The following PCCA variants were observed in gnomAD, a reference collection of about 807,000 sequenced individuals.
PCCA encodes the protein propionyl-CoA carboxylase alpha chain, mitochondrial.
PCCA carries 74 observed loss-of-function variants against 101.3 expected under a neutral mutation model. The observed-to-expected ratio is 0.73, with a 90% CI of 0.61 to 0.89. The LOEUF is 0.89. Ranked by LOEUF, PCCA falls within the 40% of genes least tolerant of loss-of-function variation. The pLI, the probability that PCCA is intolerant of heterozygous loss-of-function variation, is 0.00. For synonymous variants in PCCA, 294 were observed against 313.6 expected (o/e 0.94, Z 0.66); for missense variants, 891 against 907.0 (o/e 0.98, Z 0.23).
At chr13:100,159,084 CTTTTTTTTTTTT>C (rs11350199) in intron 6 of PCCA, among the ~76,000 whole-genome samples, 2 of 58,192 alleles carry the variant, frequency 3.4e-5, no homozygotes, top group Admixed American at 3.1e-4. Context: ...AAAATGCTGC[CTTTTTTTTTTTT>C]TTTTTTTTTT....
chr13:100,505,394 G>A (rs567350989), intron 21 of PCCA, among the ~76,000 whole-genome samples: 1 of 152,208 alleles, frequency 6.6e-6, no homozygotes, highest in Non-Finnish European at 1.5e-5. Context: ...GTCCCTCGCT[G>A]CATGCCTGGG....
In PCCA at chr13:100,337,623, T is replaced by C. The variant is rs116953847; in HGVS notation, c.1541-2534T>C. The stretch of plus-strand genomic sequence containing the variant: ...AAATGCTTGAAGTTGATGTGCATCA[T>C]ATCAGTTTGCCTGGGAGATGTGATG... On this transcript the variant is annotated intron_variant, in intron 17 of 23. Transcript: ENST00000376285. 4.7e-4 allele frequency among the ~76,000 whole-genome samples: 72 copies of C among 152,354 alleles called. No individual in the cohort carries two copies. The East Asian group carries it at 0.014, about 29-fold the overall frequency.
At chr13:100,395,796 A>G (rs9582389) in intron 19 of PCCA, among the ~76,000 whole-genome samples, 6 of 152,198 alleles carry the variant, frequency 3.9e-5, no homozygotes, top group African/African-American at 1.4e-4. Context: ...TTTGGTAATT[A>G]TCTTTTATAT....
chr13:100,385,968 T>C (rs1305935806), intron 19 of PCCA, among the ~76,000 whole-genome samples: 3 of 152,234 alleles, frequency 2.0e-5, no homozygotes, highest in African/African-American at 7.2e-5. Context: ...TATAAATGGA[T>C]ATAACAACCT....
At chr13:100,099,004 T>G (rs2047024068) in intron 1 of PCCA, among the ~76,000 whole-genome samples, 1 of 152,170 alleles carries the variant, frequency 6.6e-6, no homozygotes, top group Non-Finnish European at 1.5e-5. Context: ...CCTGGAATTT[T>G]AGAGATGAAG....
At chr13:100,283,974 G>A (rs2064357533) in intron 12 of PCCA, among the ~76,000 whole-genome samples, 2 of 152,192 alleles carry the variant, frequency 1.3e-5, no homozygotes, top group Admixed American at 1.3e-4. Context: ...TCCAACAACA[G>A]GACTGAGGGT....
intron 7 of PCCA, among the ~76,000 whole-genome samples, chr13:100,213,907 A>G (rs577009621): frequency 6.6e-6 from 1 of 152,294 alleles, no homozygotes; most frequent in African/African-American, 2.4e-5. Context: ...TGATTTTTGT[A>G]TATGGCAAGA....
At chr13:100,154,213 A>G (rs933086609) in intron 4 of PCCA, among the ~76,000 whole-genome samples, 1 of 152,216 alleles carries the variant, frequency 6.6e-6, no homozygotes, top group African/African-American at 2.4e-5. Context: ...CATCAGTTAA[A>G]AAGAATAGAC....
intron 21 of PCCA, among the ~76,000 whole-genome samples, chr13:100,485,269 G>A (rs1289469396): frequency 6.6e-6 from 1 of 152,198 alleles, no homozygotes; most frequent in East Asian, 1.9e-4. Flanking sequence ...GCACTGGCTA[G>A]CTAAGCCATC....
chr13:100,240,369 GTT>G (rs35401040), intron 8 of PCCA, among the ~76,000 whole-genome samples: 254 of 141,354 alleles, frequency 1.8e-3, no homozygotes, highest in African/African-American at 6.2e-3. Flanking sequence ...CTTAGGATAA[GTT>G]TTTTTTTTTT....
chr13:100,433,435 CT>C (rs1339340875), intron 20 of PCCA, among the ~76,000 whole-genome samples: 1 of 152,060 alleles, frequency 6.6e-6, no homozygotes, highest in Non-Finnish European at 1.5e-5. Flanking sequence ...ATTGGTATTA[CT>C]CTGTAACCAG....
intron 4 of PCCA, among the ~76,000 whole-genome samples, chr13:100,138,829 G>A (rs1376553933): frequency 6.6e-6 from 1 of 151,260 alleles, no homozygotes; most frequent in South Asian, 2.1e-4. Flanking sequence ...CAGCTACTTG[G>A]GAGGCTGAGG....
intron 23 of PCCA, 115 bp from the exon 24 acceptor site, chr13:100,529,983 T>G: frequency 1.2e-6 from 1 of 817,386 alleles, no homozygotes; most frequent in Non-Finnish European, 2.1e-6. Flanking sequence ...CTTGTCCCTG[T>G]GCTGCTGAGC....
At chr13:100,167,916 A>G (rs936221423) in intron 6 of PCCA, among the ~76,000 whole-genome samples, 2 of 152,086 alleles carry the variant, frequency 1.3e-5, no homozygotes, top group Non-Finnish European at 2.9e-5. Context: ...ATAGGCGCCC[A>G]CCACCACAAC....
intron 4 of PCCA, among the ~76,000 whole-genome samples, chr13:100,140,329 A>G (rs1342342187): frequency 6.6e-6 from 1 of 152,198 alleles, no homozygotes; most frequent in Non-Finnish European, 1.5e-5. Context: ...TTCTTCTCTC[A>G]TTGTTTTGGC....
At chr13:100,165,701 A>C (rs546562534) in intron 6 of PCCA, among the ~76,000 whole-genome samples, 16 of 152,226 alleles carry the variant, frequency 1.1e-4, no homozygotes, top group Middle Eastern at 3.4e-3. Context: ...ATAATAGTAC[A>C]ATTCACTCTC....
At chr13:100,464,986 C>T (rs6491563) in intron 21 of PCCA, among the ~76,000 whole-genome samples, 17,618 of 152,182 alleles carry the variant, frequency 0.12, 1,818 homozygotes, top group African/African-American at 0.28. Context: ...TGTGGACTAT[C>T]GATCTCTTGT....
intron 20 of PCCA, among the ~76,000 whole-genome samples, chr13:100,431,285 T>C (rs1056283305): frequency 6.6e-6 from 1 of 152,242 alleles, no homozygotes; most frequent in Non-Finnish European, 1.5e-5. Context: ...ACTTTTTAAA[T>C]TGGATTATCT....
At chr13:100,171,826 A>G (rs141820037) in intron 6 of PCCA, among the ~76,000 whole-genome samples, 37 of 152,082 alleles carry the variant, frequency 2.4e-4, no homozygotes, top group African/African-American at 7.7e-4. Context: ...AGGTCAGGAG[A>G]TGGAGACCAT....
Sources: allele counts gnomAD v4.1 joint callset (sites outside exome capture counted in the v4.1 genomes callset), GRCh38; gene constraint gnomAD v4.1.1; transcripts MANE v1.5; gene names NCBI Gene and HGNC (gene_info 2026-07-23, HGNC 2026-07-21).